Variants in CCSER1 observed in about 807,000 individuals in gnomAD.
CCSER1 encodes serine-rich coiled-coil domain-containing protein 1.
Under a neutral mutation model 82.0 loss-of-function variants are expected in CCSER1, and 41 were observed. The ratio of observed to expected loss-of-function variants is 0.50; its 90% CI spans 0.39 to 0.65. The LOEUF is 0.65. CCSER1 is among the 30% of genes least tolerant of loss of function. The pLI, the probability that CCSER1 is intolerant of heterozygous loss-of-function variation, is 0.00. For synonymous variants in CCSER1, 414 were observed against 383.9 expected, an observed-to-expected ratio of 1.08 and a Z score of -0.92; for missense variants, 1,119 against 1,064.2, an observed-to-expected ratio of 1.05 and a Z score of -0.72.
At chr4:90,198,523 A>G (rs1737030843) in intron 1 of CCSER1, among the ~76,000 whole-genome samples, 1 of 152,168 alleles carries the variant, frequency 6.6e-6, no homozygotes, top group South Asian at 2.1e-4. Context: ...ATGGTGAAAT[A>G]CTTTTTGACC....
At chr4:90,236,328 C>T (rs918746012) in intron 1 of CCSER1, among the ~76,000 whole-genome samples, 2 of 152,040 alleles carry the variant, frequency 1.3e-5, no homozygotes, top group Non-Finnish European at 2.9e-5. Flanking sequence ...TTTTCTTAAT[C>T]GAGAAAAGCA....
At chr4:90,365,873 T>C (rs1746193625) in intron 3 of CCSER1, among the ~76,000 whole-genome samples, 1 of 151,954 alleles carries the variant, frequency 6.6e-6, no homozygotes, top group Admixed American at 6.6e-5. Context: ...CAATTATACA[T>C]GTGAGATTAT....
At chr4:90,515,553 TG>T (rs927082991) in intron 5 of CCSER1, among the ~76,000 whole-genome samples, 2 of 152,222 alleles carry the variant, frequency 1.3e-5, no homozygotes, top group African/African-American at 4.8e-5. Flanking sequence ...AATTTAGTTT[TG>T]ATTGTGTCTT....
At chr4:90,745,794 A>G (rs958048568) in intron 7 of CCSER1, among the ~76,000 whole-genome samples, 16 of 138,822 alleles carry the variant, frequency 1.2e-4, no homozygotes, top group Non-Finnish European at 1.5e-5. Flanking sequence ...GGCTCACGCC[A>G]TTCTCCTGCC....
chr4:90,475,882 C>T (rs965582541), intron 5 of CCSER1, among the ~76,000 whole-genome samples: 1 of 152,148 alleles, frequency 6.6e-6, no homozygotes, highest in Non-Finnish European at 1.5e-5. Context: ...GACCGAGTAC[C>T]ACTACCCGCT....
chr4:90,242,390 C>A (rs1720506735), intron 1 of CCSER1, among the ~76,000 whole-genome samples: 1 of 152,108 alleles, frequency 6.6e-6, no homozygotes, highest in Non-Finnish European at 1.5e-5. Flanking sequence ...TGTTAAGGAA[C>A]TTAAAATCTG....
intron 6 of CCSER1, among the ~76,000 whole-genome samples, chr4:90,686,698 C>T (rs886326020): frequency 2.0e-5 from 3 of 152,076 alleles, no homozygotes; most frequent in Admixed American, 2.0e-4. Context: ...TGAAAATTTT[C>T]TGTCAGTTTC....
At chr4:90,859,945 A>G (rs759146215) in intron 8 of CCSER1, among the ~76,000 whole-genome samples, 6 of 151,644 alleles carry the variant, frequency 4.0e-5, no homozygotes, top group Non-Finnish European at 7.4e-5. Context: ...ATTTGATATA[A>G]TTTTTATCAA....
chr4:90,273,195 G>T (rs1280333032), intron 1 of CCSER1, among the ~76,000 whole-genome samples: 2 of 152,062 alleles, frequency 1.3e-5, no homozygotes, highest in African/African-American at 4.8e-5. Flanking sequence ...AGAGTAAAAT[G>T]ATGGTTACCA....
intron 10 of CCSER1, among the ~76,000 whole-genome samples, chr4:91,378,498 TTC>T (rs1194307906): frequency 1.1e-4 from 17 of 152,316 alleles, no homozygotes; most frequent in African/African-American, 4.1e-4. Flanking sequence ...AAGTATTTTA[TTC>T]TCTTTGAAGC....
chr4:90,544,630 G>T (rs1043428897), intron 5 of CCSER1, among the ~76,000 whole-genome samples: 10 of 152,030 alleles, frequency 6.6e-5, no homozygotes, highest in African/African-American at 2.4e-4. Flanking sequence ...TTAGTCTACA[G>T]CCCCTCCAGT....
chr4:91,579,334 A>C (rs923256429), intron 10 of CCSER1, among the ~76,000 whole-genome samples: 1 of 151,624 alleles, frequency 6.6e-6, no homozygotes, highest in Admixed American at 6.6e-5. Context: ...CCATCACCCA[A>C]ATAGTGAACA....
chr4:91,351,518 G>A (rs1748467556), intron 10 of CCSER1, among the ~76,000 whole-genome samples: 1 of 151,860 alleles, frequency 6.6e-6, no homozygotes, highest in South Asian at 2.1e-4. Flanking sequence ...ACAGATTCTG[G>A]TATACAAAAA....
intron 9 of CCSER1, among the ~76,000 whole-genome samples, chr4:90,991,947 A>C (rs906174023): frequency 5.3e-5 from 8 of 151,052 alleles, no homozygotes; most frequent in Non-Finnish European, 1.2e-4. Context: ...TTAATTGACA[A>C]ATCTAAAGAA....
intron 8 of CCSER1, among the ~76,000 whole-genome samples, chr4:90,861,424 A>G (rs532698939): frequency 1.1e-3 from 163 of 151,910 alleles, no homozygotes; most frequent in Non-Finnish European, 1.4e-3. Context: ...ACATGCAGCT[A>G]TAGGATTATA....
intron 10 of CCSER1, among the ~76,000 whole-genome samples, chr4:91,401,076 G>C (rs989582152): frequency 2.0e-5 from 3 of 151,744 alleles, no homozygotes; most frequent in Admixed American, 1.3e-4. Context: ...AGGGAAATAA[G>C]TAATACTTAG....
At chr4:91,512,671 G>T (rs533746467) in intron 10 of CCSER1, among the ~76,000 whole-genome samples, 21 of 152,176 alleles carry the variant, frequency 1.4e-4, no homozygotes, top group Non-Finnish European at 1.6e-4. Flanking sequence ...ACTAATACAA[G>T]ATCTTTCACC....
chr4:91,461,671 A>T (rs1441610207), intron 10 of CCSER1, among the ~76,000 whole-genome samples: 1 of 152,190 alleles, frequency 6.6e-6, no homozygotes, highest in African/African-American at 2.4e-5. Flanking sequence ...ACAATGTAGC[A>T]TACCTATTGG....
chr4:91,059,918 C>T (rs1470736565), intron 9 of CCSER1, among the ~76,000 whole-genome samples: 1 of 152,068 alleles, frequency 6.6e-6, no homozygotes. Flanking sequence ...CAGGTTCACA[C>T]AAACCTCTCT....
Sources: allele counts gnomAD v4.1 joint callset (sites outside exome capture counted in the v4.1 genomes callset), GRCh38; gene constraint gnomAD v4.1.1; transcripts MANE v1.5; gene names NCBI Gene and HGNC (gene_info 2026-07-23, HGNC 2026-07-21).